The following SURF1 variants were observed in gnomAD, a reference collection of about 807,000 sequenced individuals.
The protein encoded by SURF1 is surfeit locus protein 1.
Under a neutral mutation model 34.1 loss-of-function variants are expected in SURF1, and 45 were observed. That is an observed-to-expected ratio of 1.32 (90% CI 1.04 to 1.69). The LOEUF (loss-of-function observed/expected upper bound fraction) is 1.69. Among genes scored for constraint, SURF1 ranks in the 40% most tolerant of loss-of-function variants. The probability of loss-of-function intolerance (pLI) is 0.00; values close to 1 mark genes in which losing one functional copy is unlikely to be tolerated. For missense variants in SURF1, 456 were observed against 384.6 expected, an observed-to-expected ratio of 1.19 and a Z score of -1.55; for synonymous variants, 188 against 147.5, an observed-to-expected ratio of 1.27 and a Z score of -1.99.
At chr9:133,352,195 A>AC (rs1386957541) in intron 7 of SURF1, 53 bp from the exon 8 acceptor site, 2 of 1,529,238 alleles carry the variant, frequency 1.3e-6, no homozygotes, top group East Asian at 2.4e-5. Flanking sequence ...CAGCCTCTGC[A>AC]CCACTTCCTA....
At position 133,352,644 on chromosome 9, in the gene SURF1, G is replaced by C. The variant is rs1471361161; in HGVS notation, c.589-36C>G. 7 of 1,613,778 alleles carry C rather than the reference G, an allele frequency of 4.3e-6. No individual in the cohort carries two copies. The African/African-American group carries it at 6.7e-5, about 15-fold the overall frequency. On this transcript the variant is annotated intron_variant, in intron 6 of 8. Transcript: ENST00000371974. ...AGGTGTGTGAGATTGCATGGAGCCT[G>C]GTGGACTCCCAGAGCCTTCTCTAAA...
At chr9:133,354,386 G>A in intron 4 of SURF1, 1 of 540,932 alleles carries the variant, frequency 1.8e-6, no homozygotes, top group South Asian at 2.0e-5. Context: ...TGGGCCCTGT[G>A]GAGGATAAGT....
Position 133,354,226 on chromosome 9 carries a change from GT to G in SURF1, c.324-287del, listed in dbSNP as rs1324332127. ...ATCTGCAAGCCAAATCTGGCATACTGTTTGCTACCCTGAATGGAAAATGTGG... is the reference window on the plus strand; with the variant it reads ...ATCTGCAAGCCAAATCTGGCATACTGTTGCTACCCTGAATGGAAAATGTGG... On this transcript the variant is annotated intron_variant, in intron 4 of 8. Coordinates refer to ENST00000371974, the MANE Select transcript of SURF1 (RefSeq NM_003172.4). 1.3e-5 allele frequency: 7 copies of G among 538,478 alleles called. No homozygotes were observed. In the East Asian group the frequency reaches 2.4e-4, roughly 18 times the overall value. 33.4% of individuals were successfully genotyped at this position (538,478 alleles called of 1,614,324 possible).
chr9:133,352,388 A>G, intron 7 of SURF1, 58 bp downstream of exon 7: 1 of 1,613,044 alleles, frequency 6.2e-7, no homozygotes, highest in Non-Finnish European at 8.5e-7. Context: ...GAGGGTTAGG[A>G]GGAAGGACAG....
intron 7 of SURF1, 144 bp from the exon 8 acceptor site, chr9:133,352,286 AGTACTT>A: frequency 7.2e-7 from 1 of 1,393,470 alleles, no homozygotes; most frequent in Admixed American, 1.9e-5. Context: ...TTGTCCGCTC[AGTACTT>A]GCCTAGGTTC....
chr9:133,352,834 T>C, intron 5 of SURF1, 68 bp from the exon 6 acceptor site: 8 of 1,506,150 alleles, frequency 5.3e-6, no homozygotes, highest in Non-Finnish European at 7.2e-6. Flanking sequence ...TCATGGTCAC[T>C]CAGGCACCCA....
In SURF1 at chr9:133,352,466, A is replaced by G. The variant is rs1477461169; in HGVS notation, c.731T>C (p.Ile244Thr). Residue 244 changes from isoleucine to threonine, a missense_variant, in exon 7 of 9, where the codon ATC (isoleucine) becomes ACC (threonine). Physicochemically the swap from Ile to Thr is moderately conservative, Grantham distance 89. Coordinates refer to ENST00000371974, the MANE Select transcript of SURF1 (RefSeq NM_003172.4). ...CGTACGGAAGTTGGCATCAATGAAGATGGGCTCTGCGCCTGTGATTCTGGC... is the reference window on the plus strand; with the variant it reads ...CGTACGGAAGTTGGCATCAATGAAGGTGGGCTCTGCGCCTGTGATTCTGGC... ...AMARITGAEP[I>T]FIDANFQSTV... The G allele has an allele frequency of 6.2e-7, 1 of 1,614,192 alleles. No homozygotes were observed. The highest frequency in any genetic ancestry group is 8.5e-7 in the Non-Finnish European group (1 of 1,180,038).
intron 7 of SURF1, 116 bp downstream of exon 7, chr9:133,352,330 C>G (rs2130006171): frequency 2.6e-5 from 40 of 1,551,794 alleles, no homozygotes; most frequent in Non-Finnish European, 3.5e-5. Flanking sequence ...TCCTCCCACC[C>G]GCCATATACA....
intron 8 of SURF1, 21 bp downstream of exon 8, chr9:133,352,040 A>C: frequency 1.2e-6 from 2 of 1,612,608 alleles, no homozygotes; most frequent in Non-Finnish European, 1.7e-6. Context: ...GGAGGAAGCC[A>C]GAGGGCCGCT....
At chr9:133,352,338 A>C in intron 7 of SURF1, 108 bp downstream of exon 7, 1 of 1,558,368 alleles carries the variant, frequency 6.4e-7, no homozygotes, top group Non-Finnish European at 8.8e-7. Context: ...CCCGCCATAT[A>C]CACATGTGAG....
chr9:133,353,910 C>T lies in SURF1; in HGVS notation c.354G>A (p.Arg118=). 5 of 1,613,898 alleles carry T rather than the reference C, an allele frequency of 3.1e-6. No individual in the cohort carries two copies. The highest frequency in any genetic ancestry group is 1.7e-5 in the Admixed American group (1 of 60,022). ...DPMELKNLEY[R]PVKVRGCFDH... ...CAAAGCACCCCCTGACCTTCACTGG[C>T]CTATACTCCAGATTTTTCAGTTCCA... Residue 118 remains arginine (R), a synonymous_variant, in exon 5 of 9, where the codon AGG becomes AGA. Coordinates refer to ENST00000371974, the MANE Select transcript of SURF1 (RefSeq NM_003172.4).
chr9:133,352,398 G>C (rs2130006585), intron 7 of SURF1, 48 bp downstream of exon 7: 1 of 1,613,712 alleles, frequency 6.2e-7, no homozygotes. Context: ...AGGAAGGACA[G>C]TATTCACAAA....
chr9:133,356,359 TCCCCGCG>T (rs1338666012), intron 1 of SURF1, 34 bp downstream of exon 1: 3 of 898,860 alleles, frequency 3.3e-6, no homozygotes, highest in African/African-American at 5.3e-5. Context: ...CCGGGACCCC[TCCCCGCG>T]CCCCGCACCC....
chr9:133,353,022 T>A (rs2130011646), intron 5 of SURF1, among the ~76,000 whole-genome samples: 26 of 152,214 alleles, frequency 1.7e-4, no homozygotes, highest in Non-Finnish European at 2.1e-4. Flanking sequence ...TCTCTGCTTC[T>A]TGTGGTCTAC....
Position 133,352,163 on chromosome 9 carries a change from A to G in SURF1, c.752-21T>C, listed in dbSNP as rs2130005272. 11 of 1,578,288 alleles carry G rather than the reference A, an allele frequency of 7.0e-6. No homozygotes were observed. In the African/African-American group the frequency reaches 1.2e-4, roughly 17 times the overall value. On this transcript the variant is annotated intron_variant, in intron 7 of 8. Coordinates refer to ENST00000371974, the MANE Select transcript of SURF1 (RefSeq NM_003172.4). ...GCTCTCTGTGGAGACAGCAGACTCA[A>G]GTCCACCCCCTACTGGCCTGCCAGC... is the stretch of plus-strand genomic sequence containing the variant.
Position 133,353,753 on chromosome 9 carries a change from G to C in SURF1, c.511C>G (p.Leu171Val). 6.2e-7 allele frequency: 1 copy of C among 1,613,802 alleles called. No individual in the cohort carries two copies. The highest frequency in any genetic ancestry group is 8.5e-7 in the Non-Finnish European group (1 of 1,180,028). The change falls in exon 5 of 9, where the codon CTG becomes GTG. Residue 171 changes from leucine (L) to valine (V), a missense_variant. By Grantham distance (32) the Leu-to-Val change is conservative. Transcript: ENST00000371974. ...YVVTPFHCTD[L>V]GVTILVNRGF... Reference sequence around the variant, plus strand: ...GCTCCCACATGTCCTACTCACCCCAGGTCGGTGCAGTGGAAGGGAGTGACC... The same window carrying C: ...GCTCCCACATGTCCTACTCACCCCACGTCGGTGCAGTGGAAGGGAGTGACC...
intron 2 of SURF1, among the ~76,000 whole-genome samples, chr9:133,355,630 T>C (rs1836554562): frequency 6.6e-6 from 1 of 152,028 alleles, no homozygotes; most frequent in African/African-American, 2.4e-5. Context: ...CAGGCACTAG[T>C]GGTTGTTGTG....
At chr9:133,352,871 G>T in intron 5 of SURF1, 105 bp from the exon 6 acceptor site, 3 of 1,304,662 alleles carry the variant, frequency 2.3e-6, no homozygotes, top group Non-Finnish European at 3.2e-6. Context: ...ACCAAGGAAG[G>T]CTTTTAAAAC....
chr9:133,352,193 G>A, intron 7 of SURF1, 51 bp from the exon 8 acceptor site: 1 of 1,531,238 alleles, frequency 6.5e-7, no homozygotes, highest in South Asian at 1.2e-5. Flanking sequence ...GCCAGCCTCT[G>A]CACCACTTCC....
Sources: allele counts gnomAD v4.1 joint callset (sites outside exome capture counted in the v4.1 genomes callset), GRCh38; gene constraint gnomAD v4.1.1; transcripts MANE v1.5; gene names NCBI Gene and HGNC (gene_info 2026-07-23, HGNC 2026-07-21).